The following ABCC4 variants were observed in gnomAD, a reference collection of about 807,000 sequenced individuals.
ABCC4 encodes ATP binding cassette subfamily C member 4 (PEL blood group), also known as ATP-binding cassette sub-family C member 4.
Under a neutral mutation model 168.5 loss-of-function variants are expected in ABCC4, and 102 were observed. The ratio of observed to expected loss-of-function variants is 0.61; its 90% CI spans 0.52 to 0.71. ABCC4 has a LOEUF of 0.71. Ranked by LOEUF, ABCC4 falls within the 30% of genes least tolerant of loss-of-function variation. ABCC4 has a pLI of 0.00. For synonymous variants in ABCC4, 617 were observed against 590.7 expected (o/e 1.04, Z -0.65); for missense variants, 1,402 against 1,605.8 (o/e 0.87, Z 2.17).
chr13:95,291,341 G>A (rs1423793561), intron 1 of ABCC4, among the ~76,000 whole-genome samples: 1 of 151,124 alleles, frequency 6.6e-6, no homozygotes, highest in Non-Finnish European at 1.5e-5. Context: ...GGCTGGCAAG[G>A]CAAGATCCTG....
chr13:95,067,143 C>A (rs1295254816), intron 25 of ABCC4, among the ~76,000 whole-genome samples: 2 of 152,146 alleles, frequency 1.3e-5, no homozygotes, highest in Non-Finnish European at 2.9e-5. Flanking sequence ...GTGAACGGAA[C>A]TCAAATACAT....
At chr13:95,109,391 A>AACAC (rs61165942) in intron 20 of ABCC4, among the ~76,000 whole-genome samples, 7,589 of 150,114 alleles carry the variant, frequency 0.051, 245 homozygotes, top group African/African-American at 0.095. Context: ...CAGGTGTGCA[A>AACAC]ACACACACAC....
intron 4 of ABCC4, among the ~76,000 whole-genome samples, chr13:95,218,866 A>AG (rs1265115771): frequency 1.4e-5 from 2 of 144,768 alleles, no homozygotes; most frequent in African/African-American, 5.2e-5. Flanking sequence ...AAAAAAAAAG[A>AG]AAAGAAAAGA....
At chr13:95,212,695 G>A (rs1423168343) in intron 4 of ABCC4, among the ~76,000 whole-genome samples, 3 of 152,134 alleles carry the variant, frequency 2.0e-5, no homozygotes, top group Non-Finnish European at 4.4e-5. Flanking sequence ...AGGCTGGGCA[G>A]ATACTCGGGT....
chr13:95,098,506 A>G (rs2034687684), intron 20 of ABCC4, among the ~76,000 whole-genome samples: 1 of 152,176 alleles, frequency 6.6e-6, no homozygotes, highest in Non-Finnish European at 1.5e-5. Flanking sequence ...AAATTTCACT[A>G]TAGATTATAA....
intron 27 of ABCC4, among the ~76,000 whole-genome samples, chr13:95,047,476 CTTTTTTT>C (rs71111586): frequency 3.6e-5 from 3 of 83,370 alleles, no homozygotes; most frequent in African/African-American, 1.0e-4. Flanking sequence ...ACTGCCTATT[CTTTTTTT>C]TTTTTTTTTT....
chr13:95,299,160 G>A (rs942148707), intron 1 of ABCC4, among the ~76,000 whole-genome samples: 2 of 151,540 alleles, frequency 1.3e-5, no homozygotes, highest in Admixed American at 1.3e-4. Flanking sequence ...TCGGGAGGCT[G>A]AGGCAGGAGG....
At chr13:95,138,460 AT>A (rs1370438516) in intron 19 of ABCC4, among the ~76,000 whole-genome samples, 1 of 152,176 alleles carries the variant, frequency 6.6e-6, no homozygotes, top group Non-Finnish European at 1.5e-5. Context: ...CACAAACAAT[AT>A]GGTGAAATGT....
chr13:95,264,954 C>T (rs958759482), intron 1 of ABCC4, among the ~76,000 whole-genome samples: 13 of 150,600 alleles, frequency 8.6e-5, no homozygotes, highest in Admixed American at 4.6e-4. Flanking sequence ...CTGCAACTTC[C>T]GCTTCCTGGG....
At chr13:95,054,972 G>A (rs2033000594) in intron 26 of ABCC4, among the ~76,000 whole-genome samples, 1 of 152,040 alleles carries the variant, frequency 6.6e-6, no homozygotes, top group East Asian at 1.9e-4. Flanking sequence ...TCAGCAAAAT[G>A]CAAAAATGGA....
At chr13:95,097,291 A>T (rs1356873338) in intron 20 of ABCC4, among the ~76,000 whole-genome samples, 1 of 152,178 alleles carries the variant, frequency 6.6e-6, no homozygotes, top group Non-Finnish European at 1.5e-5. Context: ...AAATACCAAG[A>T]TGGTAGACTT....
At chr13:95,115,285 T>TA (rs397716963) in intron 20 of ABCC4, among the ~76,000 whole-genome samples, 6 of 150,796 alleles carry the variant, frequency 4.0e-5, no homozygotes, top group Non-Finnish European at 5.9e-5. Context: ...TTTTTTTTTT[T>TA]AAAGACAGCT....
At chr13:95,272,887 C>CAAAAAATA (rs534873717) in intron 1 of ABCC4, among the ~76,000 whole-genome samples, 1 of 151,092 alleles carries the variant, frequency 6.6e-6, no homozygotes, top group Non-Finnish European at 1.5e-5. Context: ...GACTCCGTCT[C>CAAAAAATA]AAAAAATAAA....
At chr13:95,149,300 C>T (rs2036598583) in intron 19 of ABCC4, among the ~76,000 whole-genome samples, 1 of 152,140 alleles carries the variant, frequency 6.6e-6, no homozygotes, top group South Asian at 2.1e-4. Context: ...CAACTTGGCA[C>T]CAATAAGAAA....
chr13:95,127,367 C>T (rs908253154), intron 19 of ABCC4, among the ~76,000 whole-genome samples: 33 of 152,126 alleles, frequency 2.2e-4, no homozygotes, highest in African/African-American at 7.2e-4. Flanking sequence ...CTCACTGCAA[C>T]CTCCGCCTCC....
intron 8 of ABCC4, among the ~76,000 whole-genome samples, chr13:95,197,031 C>A (rs1018961396): frequency 6.6e-6 from 1 of 152,232 alleles, no homozygotes; most frequent in South Asian, 2.1e-4. Flanking sequence ...TTTGAGGGCC[C>A]ACCTCAAAGA....
At chr13:95,130,191 G>A (rs922760954) in intron 19 of ABCC4, among the ~76,000 whole-genome samples, 2 of 152,008 alleles carry the variant, frequency 1.3e-5, no homozygotes, top group Non-Finnish European at 2.9e-5. Context: ...CTTTTATTGG[G>A]TCTTCTTGGA....
In ABCC4 at chr13:95,112,018, C is replaced by T. The variant is rs1411640025; in HGVS notation, c.2535+3904G>A. On this transcript the variant is annotated intron_variant, in intron 20 of 30. Coordinates refer to ENST00000645237, the MANE Select transcript of ABCC4 (RefSeq NM_005845.5). ...ACAAAACCAATAAAACGATCACCATCATACAGAAAACGTAATCAAACATGA... is the reference window on the plus strand; with the variant it reads ...ACAAAACCAATAAAACGATCACCATTATACAGAAAACGTAATCAAACATGA... Among the ~76,000 whole-genome samples, 3 of 152,184 alleles carry T rather than the reference C, an allele frequency of 2.0e-5. No homozygotes were observed. The East Asian group carries it at 5.8e-4, about 29-fold the overall frequency.
At chr13:95,043,120 T>C (rs1266012633) in intron 29 of ABCC4, among the ~76,000 whole-genome samples, 1 of 152,126 alleles carries the variant, frequency 6.6e-6, no homozygotes, top group Non-Finnish European at 1.5e-5. Context: ...GCCCTCCAAT[T>C]CTTATGTAAC....
Sources: allele counts gnomAD v4.1 joint callset (sites outside exome capture counted in the v4.1 genomes callset), GRCh38; gene constraint gnomAD v4.1.1; transcripts MANE v1.5; gene names NCBI Gene and HGNC (gene_info 2026-07-23, HGNC 2026-07-21).